The following FAT3 variants were observed in gnomAD, a reference collection of about 807,000 sequenced individuals.
FAT3 encodes the protein protocadherin Fat 3.
A neutral mutation model predicts 310.2 loss-of-function variants in FAT3; 95 were observed. The observed-to-expected ratio is 0.31, with a 90% confidence interval of 0.26 to 0.36. FAT3 has a LOEUF of 0.36. FAT3 is among the 10% of genes least tolerant of loss of function. The pLI is 1.00. For missense variants in FAT3, 5,408 were observed against 5,715.6 expected, an observed-to-expected ratio of 0.95 and a Z score of 1.74; for synonymous variants, 2,314 against 2,192.9, an observed-to-expected ratio of 1.06 and a Z score of -1.54.
At chr11:92,832,112 AGT>A (rs1948277420) in intron 14 of FAT3, 101 bp downstream of exon 14, 1 of 1,325,268 alleles carries the variant, frequency 7.5e-7, no homozygotes, top group Admixed American at 2.5e-5. Flanking sequence ...AAGAAGATCG[AGT>A]GAGTCCAGGA....
rs1943974770 is a variant in FAT3, at chr11:92,697,399, C to T, written c.3623C>T (p.Thr1208Ile). The T allele has an allele frequency of 6.2e-7, 1 of 1,613,844 alleles. No homozygotes were observed. Among genetic ancestry groups the T allele is most frequent in the Non-Finnish European group, 8.5e-7 (1 of 1,179,826 alleles). Residue 1208 changes from threonine (T) to isoleucine (I), a missense_variant, in exon 4 of 28, where the codon ACT becomes ATT. Thr to Ile is a moderately conservative substitution (Grantham distance 89). Transcript: ENST00000525166. The part of the protein sequence containing the change: ...INIKTGLITT[T>I]SRKLDREQQA... ...TTCTACACAGGTCTGATTACAACAA[C>T]TTCAAGGAAATTGGATCGAGAACAG...
At chr11:92,503,463 A>G (rs1953007167) in intron 2 of FAT3, among the ~76,000 whole-genome samples, 1 of 152,096 alleles carries the variant, frequency 6.6e-6, no homozygotes, top group Non-Finnish European at 1.5e-5. Flanking sequence ...GTCTGAAGCA[A>G]CTTTATGAGA....
intron 2 of FAT3, among the ~76,000 whole-genome samples, chr11:92,422,139 G>T (rs1950544661): frequency 6.6e-6 from 1 of 152,038 alleles, no homozygotes; most frequent in Admixed American, 6.6e-5. Context: ...AGTTTCCTTT[G>T]CCTATACTCC....
In FAT3 at chr11:92,428,862, C is replaced by T. The variant is rs183370129; in HGVS notation, c.3292+73458C>T. ...GAGATGAATGTATTTTCTGTTGATT[C>T]GGGGTGGAGAGTTCTGCAGATGTCT... On this transcript the variant is annotated intron_variant, in intron 2 of 27. Transcript: ENST00000525166. Among the ~76,000 whole-genome samples the T allele has an allele frequency of 1.2e-4, 19 of 152,114 alleles. 1 individual carries two copies. Among genetic ancestry groups the T allele is most frequent in the Admixed American group, 7.2e-4 (11 of 15,258 alleles).
intron 3 of FAT3, among the ~76,000 whole-genome samples, chr11:92,570,827 G>C (rs1315255741): frequency 1.3e-5 from 2 of 152,000 alleles, no homozygotes; most frequent in Non-Finnish European, 2.9e-5. Context: ...TTGCTTAGTA[G>C]CTTGTGGAAC....
intron 2 of FAT3, among the ~76,000 whole-genome samples, chr11:92,356,949 T>C (rs1014870528): frequency 2.0e-4 from 30 of 152,214 alleles, no homozygotes; most frequent in Admixed American, 2.0e-3. Flanking sequence ...GCTCTAATTA[T>C]GGCCAGTGTA....
intron 3 of FAT3, among the ~76,000 whole-genome samples, chr11:92,579,848 A>G (rs901050586): frequency 3.3e-5 from 5 of 152,138 alleles, no homozygotes; most frequent in Non-Finnish European, 7.4e-5. Context: ...CCCAAATGGT[A>G]AAGATAATTG....
chr11:92,502,852 T>C (rs1226184174), intron 2 of FAT3, among the ~76,000 whole-genome samples: 5 of 152,042 alleles, frequency 3.3e-5, no homozygotes, highest in African/African-American at 1.2e-4. Context: ...TGTGGAATGA[T>C]CATGAATGCA....
At chr11:92,330,657 A>T (rs1267515103) in intron 1 of FAT3, among the ~76,000 whole-genome samples, 1 of 152,160 alleles carries the variant, frequency 6.6e-6, no homozygotes, top group African/African-American at 2.4e-5. Context: ...AGTTTTTAAT[A>T]AACTCTAAGG....
At position 92,474,504 on chromosome 11, in the gene FAT3, A is replaced by G. The variant is rs552708438; in HGVS notation, c.3293-50130A>G. Among the ~76,000 whole-genome samples the G allele has an allele frequency of 9.9e-4, 150 of 152,268 alleles. 1 individual carries two copies. The highest frequency in any genetic ancestry group is 1.9e-3 in the Admixed American group (29 of 15,284). ...ATCAAATGTGTTCAGTGTGCTGGGC[A>G]TACAGGAAGGGGAAGGGGATGGATG... On this transcript the variant is annotated intron_variant, in intron 2 of 27. Coordinates refer to ENST00000525166, the MANE Select transcript of FAT3 (RefSeq NM_001367949.2).
At chr11:92,750,144 T>C (rs1945790600) in intron 4 of FAT3, among the ~76,000 whole-genome samples, 1 of 152,160 alleles carries the variant, frequency 6.6e-6, no homozygotes, top group Admixed American at 6.6e-5. Context: ...AAAGACTTCA[T>C]CTTTAGATTT....
chr11:92,689,496 C>G (rs1363829833), intron 3 of FAT3, among the ~76,000 whole-genome samples: 1 of 152,140 alleles, frequency 6.6e-6, no homozygotes, highest in Non-Finnish European at 1.5e-5. Flanking sequence ...TGAAGAAATC[C>G]AATATGGCAT....
At chr11:92,319,770 C>T (rs1481063586) in intron 1 of FAT3, among the ~76,000 whole-genome samples, 1 of 152,126 alleles carries the variant, frequency 6.6e-6, no homozygotes, top group African/African-American at 2.4e-5. Context: ...CCAGTATAAA[C>T]ACAGGCAATC....
rs189578503 is a variant in FAT3 at position 92,437,717 on chromosome 11, G to T, written c.3292+82313G>T. 8.0e-4 allele frequency among the ~76,000 whole-genome samples: 122 copies of T among 152,214 alleles called. 2 individuals carry two copies. The highest frequency in any genetic ancestry group is 3.4e-3 in the Middle Eastern group (1 of 294). On this transcript the variant is annotated intron_variant, in intron 2 of 27. Coordinates refer to ENST00000525166, the MANE Select transcript of FAT3 (RefSeq NM_001367949.2). ...ATTGAGGGTCTTAATGGGAACACTG[G>T]GGGTAATCCAGCTTGGCTTTTCCGT...
chr11:92,329,252 A>G (rs765300822), intron 1 of FAT3, among the ~76,000 whole-genome samples: 1 of 152,020 alleles, frequency 6.6e-6, no homozygotes, highest in African/African-American at 2.4e-5. Context: ...CCTTTGGGTC[A>G]TGGGGGTGGG....
intron 4 of FAT3, among the ~76,000 whole-genome samples, chr11:92,744,056 G>A (rs1296792414): frequency 3.9e-5 from 6 of 152,164 alleles, no homozygotes; most frequent in Non-Finnish European, 1.5e-5. Context: ...GCAATAGAAA[G>A]CGACTGAGAG....
intron 2 of FAT3, among the ~76,000 whole-genome samples, chr11:92,457,016 C>T (rs1489953234): frequency 1.3e-5 from 2 of 151,900 alleles, no homozygotes; most frequent in African/African-American, 2.4e-5. Flanking sequence ...CAAGGCAGTC[C>T]CAAGTGGTGA....
chr11:92,619,687 T>A (rs567940), intron 3 of FAT3, among the ~76,000 whole-genome samples: 85,128 of 151,718 alleles, frequency 0.56, 25,286 homozygotes, highest in African/African-American at 0.76. Context: ...ATCTCTTTTA[T>A]TTTTGTAAAG....
intron 4 of FAT3, among the ~76,000 whole-genome samples, chr11:92,746,014 C>T (rs569756975): frequency 6.6e-5 from 10 of 152,326 alleles, no homozygotes; most frequent in African/African-American, 2.4e-5. Context: ...AAATGAGTAA[C>T]GTGATTCACT....
Sources: gnomAD v4.1 joint callset for allele counts (sites outside exome capture counted in the v4.1 genomes callset) on GRCh38, gnomAD v4.1.1 for gene constraint, MANE v1.5 for transcripts, NCBI Gene and HGNC (gene_info 2026-07-23, HGNC 2026-07-21) for gene names.